Variants in TRPM3 observed in about 807,000 individuals in gnomAD.
The protein encoded by TRPM3 is long transient receptor potential channel 3.
Under a neutral mutation model 181.2 loss-of-function variants are expected in TRPM3, and 77 were observed. The observed-to-expected ratio is 0.42, with a 90% CI of 0.35 to 0.51. The LOEUF (loss-of-function observed/expected upper bound fraction) is 0.51. Ranked by LOEUF, TRPM3 falls within the 20% of genes least tolerant of loss-of-function variation. The probability of loss-of-function intolerance (pLI) is 0.01; values close to 1 mark genes in which losing one functional copy is unlikely to be tolerated. For synonymous variants in TRPM3, 745 were observed against 796.4 expected, an observed-to-expected ratio of 0.94 and a Z score of 1.09; for missense variants, 1,759 against 2,196.7, an observed-to-expected ratio of 0.80 and a Z score of 3.98.
intron 1 of TRPM3, among the ~76,000 whole-genome samples, chr9:71,247,914 G>A (rs111992611): frequency 0.01 from 1,540 of 152,230 alleles, 26 homozygotes; most frequent in African/African-American, 0.035. Context: ...TAAAGTGAAG[G>A]CCTTAAAATA....
At chr9:71,275,943 G>A (rs1194748533) in intron 1 of TRPM3, among the ~76,000 whole-genome samples, 2 of 151,546 alleles carry the variant, frequency 1.3e-5, no homozygotes, top group East Asian at 1.9e-4. Context: ...CCGGGTTCAC[G>A]CCATTCTCCT....
At chr9:70,684,622 C>G (rs559727200) in intron 8 of TRPM3, among the ~76,000 whole-genome samples, 1 of 152,086 alleles carries the variant, frequency 6.6e-6, no homozygotes, top group Admixed American at 6.5e-5. Flanking sequence ...AAAACTAAGG[C>G]CTTCCTTTCC....
At chr9:71,028,167 T>C (rs1280670691) in intron 1 of TRPM3, among the ~76,000 whole-genome samples, 2 of 152,154 alleles carry the variant, frequency 1.3e-5, no homozygotes, top group Admixed American at 1.3e-4. Context: ...TATTAAACGT[T>C]CTTAAAGAAA....
chr9:71,253,288 G>T (rs915726143), intron 1 of TRPM3, among the ~76,000 whole-genome samples: 2 of 152,128 alleles, frequency 1.3e-5, no homozygotes, highest in Non-Finnish European at 2.9e-5. Flanking sequence ...AATGTTTATA[G>T]TAAGGAAGAA....
chr9:70,826,290 T>A (rs1432361097), intron 6 of TRPM3: 1 of 152,242 alleles, frequency 6.6e-6, no homozygotes. Flanking sequence ...CTACCACCCA[T>A]TGATCACAGT....
rs1267592560 is a variant in TRPM3 at position 70,577,317 on chromosome 9, T to G, written c.3223+13714A>C. 2.0e-5 allele frequency among the ~76,000 whole-genome samples: 3 copies of G among 152,374 alleles called. No individual in the cohort carries two copies. In the East Asian group the frequency reaches 5.8e-4, roughly 29 times the overall value. ...CTGGATTCCGATGGAAGCAGCCTTCTGTTCTAATGCAGAAGTTAAGAGCGT... is the reference window on the plus strand; with the variant it reads ...CTGGATTCCGATGGAAGCAGCCTTCGGTTCTAATGCAGAAGTTAAGAGCGT... On this transcript the variant is annotated intron_variant, in intron 22 of 25. Coordinates refer to ENST00000677713, the MANE Select transcript of TRPM3 (RefSeq NM_001366145.2).
Position 70,533,422 on chromosome 9 carries a change from T to C in TRPM3, c.*2531A>G, listed in dbSNP as rs971249050. On this transcript the variant is annotated 3_prime_UTR_variant, in exon 26 of 26. Coordinates refer to ENST00000677713, the MANE Select transcript of TRPM3 (RefSeq NM_001366145.2). Reference sequence around the variant, plus strand: ...AACAAAATCTTTGTTCAAACTCTGGTGCTGAGATTTGGCCTTCCTGAGAAT... The same window carrying C: ...AACAAAATCTTTGTTCAAACTCTGGCGCTGAGATTTGGCCTTCCTGAGAAT... 2 of 152,184 alleles carry C rather than the reference T, an allele frequency of 1.3e-5. No individual in the cohort carries two copies. The highest frequency in any genetic ancestry group is 4.8e-5 in the African/African-American group (2 of 41,428). 9.4% of individuals were successfully genotyped at this position (152,184 alleles called of 1,614,324 possible).
intron 1 of TRPM3, among the ~76,000 whole-genome samples, chr9:71,342,341 T>A (rs939154445): frequency 6.7e-6 from 1 of 150,128 alleles, no homozygotes. Context: ...AAAACACACT[T>A]TTGAAACACA....
Position 71,121,292 on chromosome 9 carries a change from A to C in TRPM3, c.63T>G (p.Phe21Leu). The change falls in exon 1 of 26, where the codon TTT (phenylalanine) becomes TTG (leucine). Residue 21 changes from phenylalanine to leucine, a missense_variant. Phe to Leu is a conservative substitution (Grantham distance 22, BLOSUM62 0). Around this residue, in one of 8 missense-constraint regions of TRPM3, gnomAD observed 737 missense variants for 957.4 expected, o/e 0.77. Coordinates refer to ENST00000677713, the MANE Select transcript of TRPM3 (RefSeq NM_001366145.2). ...TGACCCCTTCCAAATTCCACCAGGA[A>C]AACAAGAAACTGAAAACCTGAGCAA... Reference protein sequence around the residue: ...LGIAQVFSFLFSWWNLEGVMN... With the variant: ...LGIAQVFSFLLSWWNLEGVMN... The C allele has an allele frequency of 6.2e-7, 1 of 1,614,132 alleles. No individual in the cohort carries two copies. Among genetic ancestry groups the C allele is most frequent in the Non-Finnish European group, 8.5e-7 (1 of 1,180,002 alleles).
Position 71,301,796 on chromosome 9 carries a change from T to C in TRPM3, c.183+144857A>G, listed in dbSNP as rs1009867930. The stretch of plus-strand genomic sequence containing the variant: ...TATTATTATTATTATAAGAACTGTC[T>C]ACCTAATAGGTACTAAATGAAACAC... On this transcript the variant is annotated intron_variant, in intron 1 of 24. Coordinates refer to the TRPM3 transcript ENST00000357533. Among the ~76,000 whole-genome samples the C allele has an allele frequency of 4.6e-5, 7 of 152,298 alleles. No homozygotes were observed. The East Asian group carries it at 1.3e-3, about 29-fold the overall frequency.
chr9:70,889,639 C>A (rs555371796), intron 1 of TRPM3, among the ~76,000 whole-genome samples: 3 of 152,142 alleles, frequency 2.0e-5, no homozygotes, highest in Admixed American at 1.3e-4. Flanking sequence ...ATAGAAAAGA[C>A]CACTGGTCAA....
intron 1 of TRPM3, among the ~76,000 whole-genome samples, chr9:71,028,139 G>A (rs945630734): frequency 2.0e-5 from 3 of 152,164 alleles, no homozygotes; most frequent in Admixed American, 2.0e-4. Flanking sequence ...ATACAAGCCA[G>A]AAGAGACTGG....
chr9:70,904,784 A>C (rs943871687), intron 1 of TRPM3, among the ~76,000 whole-genome samples: 1 of 152,212 alleles, frequency 6.6e-6, no homozygotes, highest in Admixed American at 6.5e-5. Flanking sequence ...ATAAATAGAA[A>C]ATATTTTAAA....
intron 1 of TRPM3, chr9:70,865,483 A>G (rs1237229492): frequency 1.3e-5 from 2 of 152,114 alleles, no homozygotes; most frequent in Non-Finnish European, 2.9e-5. Flanking sequence ...CTAATGCAGC[A>G]TCAGTACTAA....
At chr9:70,747,253 A>G (rs1259467204) in intron 8 of TRPM3, among the ~76,000 whole-genome samples, 1 of 152,204 alleles carries the variant, frequency 6.6e-6, no homozygotes, top group Non-Finnish European at 1.5e-5. Flanking sequence ...AATGACAAGC[A>G]CAAGAAAGTT....
chr9:71,352,691 C>T lies in TRPM3; in HGVS notation c.183+93962G>A, dbSNP rs148335172. Among the ~76,000 whole-genome samples the T allele has an allele frequency of 2.1e-4, 32 of 152,220 alleles. No individual in the cohort carries two copies. In the East Asian group the frequency reaches 4.5e-3, roughly 21 times the overall value. ...TATGTATTTTTTTCAAACAAAGAAA[C>T]AGGTCCTGCCATGTCACTTTAGTAT... On this transcript the variant is annotated intron_variant, in intron 1 of 24. Coordinates refer to the TRPM3 transcript ENST00000357533.
At chr9:70,783,277 C>A (rs1030100279) in intron 7 of TRPM3, among the ~76,000 whole-genome samples, 4 of 152,168 alleles carry the variant, frequency 2.6e-5, no homozygotes, top group Non-Finnish European at 5.9e-5. Flanking sequence ...TTCCCCTCCC[C>A]ACAAATTTCA....
intron 8 of TRPM3, among the ~76,000 whole-genome samples, chr9:70,739,792 A>C (rs2073616623): frequency 6.6e-6 from 1 of 151,932 alleles, no homozygotes; most frequent in East Asian, 1.9e-4. Context: ...AAATTTTTGT[A>C]TTTTTAGTAG....
chr9:71,391,355 C>T (rs1446111164), intron 1 of TRPM3, among the ~76,000 whole-genome samples: 1 of 151,920 alleles, frequency 6.6e-6, no homozygotes, highest in Non-Finnish European at 1.5e-5. Context: ...TGATAATACT[C>T]AAGCAACTAC....
Sources: allele counts gnomAD v4.1 joint callset (sites outside exome capture counted in the v4.1 genomes callset), GRCh38; gene constraint gnomAD v4.1.1; regional missense constraint gnomAD v4.1.1; transcripts MANE v1.5; gene names NCBI Gene and HGNC (gene_info 2026-07-23, HGNC 2026-07-21).